The following NEDD9 variants were observed in gnomAD, a reference collection of about 807,000 sequenced individuals.
NEDD9 encodes neural precursor cell expressed, developmentally down-regulated 9.
In NEDD9, 26 loss-of-function variants were observed where a neutral mutation model predicts 76.6. That is an observed-to-expected ratio of 0.34 (90% CI 0.25 to 0.47). The LOEUF (loss-of-function observed/expected upper bound fraction) is 0.47, where lower values mean the gene tolerates loss of function less well. Among genes scored for constraint, NEDD9 ranks in the 20% least tolerant of loss-of-function variants. The pLI is 1.00. For synonymous variants in NEDD9, 392 were observed against 414.2 expected (o/e 0.95, Z 0.65); for missense variants, 937 against 1,058.5 (o/e 0.89, Z 1.59).
In NEDD9 at chr6:11,241,929, C is replaced by T. The variant is rs570644511; in HGVS notation, c.13-28202G>A. ...GATAATACAAGGCCTGGTGGAGAGG[C>T]GGGTGAGAGGAATGTGGCGGGAACA... On this transcript the variant is annotated intron_variant, in intron 3 of 3. Coordinates refer to the NEDD9 transcript ENST00000397378. This position sits in a 1 kb window ranked among gnomAD's most constrained non-coding sequence, Gnocchi z 4.0. Among the ~76,000 whole-genome samples the T allele has an allele frequency of 6.6e-6, 1 of 152,310 alleles. No homozygotes were observed.
chr6:11,286,921 G>A (rs1760661084), intron 3 of NEDD9, among the ~76,000 whole-genome samples: 1 of 152,068 alleles, frequency 6.6e-6, no homozygotes, highest in African/African-American at 2.4e-5. Context: ...TTCCACCAGT[G>A]CATATATATA....
chr6:11,331,544 A>G (rs1235825649), intron 2 of NEDD9, among the ~76,000 whole-genome samples: 1 of 152,198 alleles, frequency 6.6e-6, no homozygotes, highest in Non-Finnish European at 1.5e-5. Flanking sequence ...GGTTCAAAAA[A>G]TGTTTAAATG....
chr6:11,223,918 T>G (rs1267257827), intron 1 of NEDD9, among the ~76,000 whole-genome samples: 1 of 152,208 alleles, frequency 6.6e-6, no homozygotes, highest in Non-Finnish European at 1.5e-5. Context: ...GATGGGATAA[T>G]GCCTTCGACA....
chr6:11,328,340 T>A (rs1761970066), intron 2 of NEDD9, among the ~76,000 whole-genome samples: 1 of 152,238 alleles, frequency 6.6e-6, no homozygotes, highest in Admixed American at 6.5e-5. Context: ...GGCTTTACAT[T>A]CATACATATC....
At chr6:11,221,105 G>A (rs544072507) in intron 1 of NEDD9, among the ~76,000 whole-genome samples, 12 of 152,236 alleles carry the variant, frequency 7.9e-5, no homozygotes, top group East Asian at 5.8e-4. Flanking sequence ...GGTGGAGGCC[G>A]CGCACGGTGG....
At chr6:11,334,820 A>C (rs1234320437) in intron 1 of NEDD9, among the ~76,000 whole-genome samples, 2 of 152,244 alleles carry the variant, frequency 1.3e-5, no homozygotes, top group African/African-American at 2.4e-5. Context: ...GTTGTAAAGC[A>C]GCAGAGACAA....
intron 3 of NEDD9, among the ~76,000 whole-genome samples, chr6:11,243,929 G>C (rs945977038): frequency 6.6e-5 from 10 of 152,122 alleles, no homozygotes; most frequent in African/African-American, 2.4e-4. Context: ...AACCTGGATA[G>C]GCCATGCATG....
At chr6:11,222,356 T>TCA (rs1283599244) in intron 1 of NEDD9, among the ~76,000 whole-genome samples, 1 of 152,222 alleles carries the variant, frequency 6.6e-6, no homozygotes, top group Non-Finnish European at 1.5e-5. Context: ...TGTGAGGTCC[T>TCA]CAGAGAGTTT....
intron 2 of NEDD9, among the ~76,000 whole-genome samples, chr6:11,206,652 C>G (rs1291984428): frequency 6.6e-6 from 1 of 152,178 alleles, no homozygotes; most frequent in African/African-American, 2.4e-5. Context: ...TACTAATGCA[C>G]TCTTAGAAAT....
intron 1 of NEDD9, chr6:11,214,204 T>C (rs1292926711): frequency 1.9e-6 from 1 of 518,734 alleles, no homozygotes; most frequent in Admixed American, 1.9e-5. Flanking sequence ...GCATTTATAT[T>C]TGGAGTTGAA....
In NEDD9 at chr6:11,185,140, C is replaced by A; in HGVS notation, c.*22G>T. 1 of 1,598,934 alleles carries A rather than the reference C, an allele frequency of 6.3e-7. No homozygotes were observed. Among genetic ancestry groups the A allele is most frequent in the East Asian group, 2.2e-5 (1 of 44,514 alleles). ...TTTCCTTAGTAACCGTTAACGCAGT[C>A]CCCTTCCTCTTTTTTTTCTTCTCAG... On this transcript the variant is annotated 3_prime_UTR_variant, in exon 7 of 7. Transcript: ENST00000379446.
chr6:11,284,430 G>C (rs1010590196), intron 3 of NEDD9, among the ~76,000 whole-genome samples: 1 of 151,044 alleles, frequency 6.6e-6, no homozygotes, highest in Non-Finnish European at 1.5e-5. Context: ...GCTGGGCATG[G>C]TGGTGGGCGC....
intron 1 of NEDD9, among the ~76,000 whole-genome samples, chr6:11,375,773 C>G (rs1391174847): frequency 6.6e-6 from 1 of 152,220 alleles, no homozygotes; most frequent in African/African-American, 2.4e-5. Context: ...GATGCCAGCA[C>G]CATGCTTTCT....
intron 3 of NEDD9, among the ~76,000 whole-genome samples, chr6:11,297,245 A>G (rs947577431): frequency 3.3e-5 from 5 of 152,184 alleles, no homozygotes; most frequent in South Asian, 2.1e-4. Context: ...AATGAAATAA[A>G]ACAGAACCAT....
intron 2 of NEDD9, among the ~76,000 whole-genome samples, chr6:11,201,281 G>C (rs778654539): frequency 6.6e-6 from 1 of 152,184 alleles, no homozygotes; most frequent in African/African-American, 2.4e-5. Context: ...TAAGGGAAGC[G>C]GGAAGGGAGC....
At chr6:11,299,467 A>T (rs1760984763) in intron 3 of NEDD9, among the ~76,000 whole-genome samples, 1 of 152,238 alleles carries the variant, frequency 6.6e-6, no homozygotes, top group African/African-American at 2.4e-5. Context: ...CTGCAGACTT[A>T]AACGTCCCTG....
chr6:11,329,167 C>T (rs544797983), intron 2 of NEDD9, among the ~76,000 whole-genome samples: 1 of 152,310 alleles, frequency 6.6e-6, no homozygotes, highest in East Asian at 1.9e-4. Context: ...TATGGCCTAG[C>T]ACATGTCAAA....
At chr6:11,344,870 T>G (rs770159626) in intron 1 of NEDD9, among the ~76,000 whole-genome samples, 3 of 152,082 alleles carry the variant, frequency 2.0e-5, no homozygotes, top group Non-Finnish European at 4.4e-5. Flanking sequence ...GAGTCAGTAT[T>G]CAAAAAAAAG....
intron 1 of NEDD9, 136 bp downstream of exon 1, chr6:11,232,368 C>A: frequency 9.3e-7 from 1 of 1,080,702 alleles, no homozygotes; most frequent in Non-Finnish European, 1.4e-6. Flanking sequence ...TGCATGTCAA[C>A]CTCAGTGACC....
Sources: allele counts gnomAD v4.1 joint callset (sites outside exome capture counted in the v4.1 genomes callset), GRCh38; gene constraint gnomAD v4.1.1; non-coding constraint Gnocchi (gnomAD v3.1); transcripts MANE v1.5; gene names NCBI Gene and HGNC (gene_info 2026-07-23, HGNC 2026-07-21).